The following CCSER1 variants were observed in gnomAD, a reference collection of about 807,000 sequenced individuals.
The protein encoded by CCSER1 is serine-rich coiled-coil domain-containing protein 1.
In CCSER1, 41 loss-of-function variants were observed where a neutral mutation model predicts 82.0. The observed-to-expected ratio is 0.50, with a 90% CI of 0.39 to 0.65. CCSER1 has a LOEUF of 0.65. Ranked by LOEUF, CCSER1 falls within the 30% of genes least tolerant of loss-of-function variation. The pLI is 0.00. For synonymous variants in CCSER1, 414 were observed against 383.9 expected, an observed-to-expected ratio of 1.08 and a Z score of -0.92; for missense variants, 1,119 against 1,064.2, an observed-to-expected ratio of 1.05 and a Z score of -0.72.
intron 10 of CCSER1, among the ~76,000 whole-genome samples, chr4:91,327,940 A>G (rs1364114754): frequency 6.6e-6 from 1 of 152,164 alleles, no homozygotes; most frequent in Non-Finnish European, 1.5e-5. Flanking sequence ...CCTTTACTCC[A>G]GTTCCCAATA....
At chr4:91,561,290 C>G (rs925067044) in intron 10 of CCSER1, among the ~76,000 whole-genome samples, 7 of 151,434 alleles carry the variant, frequency 4.6e-5, no homozygotes, top group Non-Finnish European at 1.0e-4. Context: ...TTGTTTTATA[C>G]AGTTTTCATT....
chr4:91,120,126 A>T (rs914704609), intron 10 of CCSER1, among the ~76,000 whole-genome samples: 8 of 152,138 alleles, frequency 5.3e-5, no homozygotes, highest in African/African-American at 1.9e-4. Flanking sequence ...AATAATTTGC[A>T]TAATAGTGAT....
chr4:90,515,175 A>T (rs185193166), intron 5 of CCSER1, among the ~76,000 whole-genome samples: 6 of 152,300 alleles, frequency 3.9e-5, no homozygotes, highest in Admixed American at 3.9e-4. Flanking sequence ...ATTTCCATGT[A>T]TACAATTAAT....
chr4:90,514,066 G>C (rs368531008), intron 5 of CCSER1, among the ~76,000 whole-genome samples: 4 of 152,130 alleles, frequency 2.6e-5, no homozygotes, highest in African/African-American at 9.7e-5. Flanking sequence ...TCATGGAGAA[G>C]AACATTTACA....
intron 7 of CCSER1, among the ~76,000 whole-genome samples, chr4:90,738,426 C>A (rs1746008599): frequency 6.6e-6 from 1 of 152,058 alleles, no homozygotes. Flanking sequence ...TTTGCTTTAC[C>A]ATACAGAGAT....
intron 10 of CCSER1, among the ~76,000 whole-genome samples, chr4:91,580,575 A>T (rs1763681500): frequency 6.6e-6 from 1 of 151,796 alleles, no homozygotes; most frequent in Non-Finnish European, 1.5e-5. Flanking sequence ...GCATCAATTG[A>T]TGGTACCTGG....
intron 9 of CCSER1, among the ~76,000 whole-genome samples, chr4:91,041,621 G>C (rs1364708640): frequency 6.6e-6 from 1 of 152,036 alleles, no homozygotes; most frequent in Non-Finnish European, 1.5e-5. Context: ...CAGCTACCAG[G>C]TGTTACAGGC....
At chr4:91,508,131 A>G (rs2110108617) in intron 10 of CCSER1, among the ~76,000 whole-genome samples, 1 of 131,346 alleles carries the variant, frequency 7.6e-6, no homozygotes, top group Admixed American at 7.9e-5. Context: ...AGAAGTGTCT[A>G]GGACAGAGAT....
intron 9 of CCSER1, among the ~76,000 whole-genome samples, chr4:91,032,218 G>A (rs1286663501): frequency 8.5e-5 from 13 of 152,142 alleles, no homozygotes; most frequent in Non-Finnish European, 1.2e-4. Flanking sequence ...TAATTTTACT[G>A]TGGGGGCGAA....
chr4:90,905,637 G>A (rs72665409), intron 8 of CCSER1, among the ~76,000 whole-genome samples: 34,884 of 151,954 alleles, frequency 0.23, 4,691 homozygotes, highest in Non-Finnish European at 0.31. Flanking sequence ...TAAAACATTT[G>A]CTTATTGGAA....
At chr4:90,702,752 A>T (rs1212581979) in intron 6 of CCSER1, among the ~76,000 whole-genome samples, 1 of 152,064 alleles carries the variant, frequency 6.6e-6, no homozygotes, top group African/African-American at 2.4e-5. Context: ...TTTCTAGTTC[A>T]TTTGTGTAGA....
intron 10 of CCSER1, among the ~76,000 whole-genome samples, chr4:91,185,217 C>T (rs1356487137): frequency 2.0e-5 from 3 of 152,290 alleles, no homozygotes; most frequent in South Asian, 2.1e-4. Flanking sequence ...TCCAAATCCT[C>T]CTGTGTGTTT....
At chr4:91,381,750 G>T (rs1024450818) in intron 10 of CCSER1, among the ~76,000 whole-genome samples, 2 of 152,196 alleles carry the variant, frequency 1.3e-5, no homozygotes, top group Admixed American at 6.5e-5. Context: ...ACTCGTCAAA[G>T]TCATTCTCTG....
intron 5 of CCSER1, among the ~76,000 whole-genome samples, chr4:90,593,772 C>T (rs1417036931): frequency 1.3e-5 from 2 of 151,998 alleles, no homozygotes; most frequent in East Asian, 3.9e-4. Context: ...GTTCTTAAAA[C>T]AAGACAGGTA....
chr4:90,789,497 C>T (rs2149652363), intron 7 of CCSER1, among the ~76,000 whole-genome samples: 1 of 152,224 alleles, frequency 6.6e-6, no homozygotes, highest in East Asian at 1.9e-4. Flanking sequence ...CCAATGTCTA[C>T]TGATATGGTT....
rs1182815027 is a variant in CCSER1 at position 91,240,220 on chromosome 4, C to G, written c.2217+154226C>G. Among the ~76,000 whole-genome samples, 2 of 60,492 alleles carry G rather than the reference C, an allele frequency of 3.3e-5. 1 individual carries two copies. The highest frequency in any genetic ancestry group is 2.0e-4 in the African/African-American group (2 of 10,094). 39.7% of individuals were successfully genotyped at this position (60,492 alleles called of 152,430 possible). ...CCTCCCGAGTAGCTGGGACTACATA[C>G]GCCAGCCACCACGCCCGGCTAATTT... is the stretch of plus-strand genomic sequence containing the variant. On this transcript the variant is annotated intron_variant, in intron 10 of 10. Coordinates refer to ENST00000509176, the MANE Select transcript of CCSER1 (RefSeq NM_001145065.2).
intron 1 of CCSER1, among the ~76,000 whole-genome samples, chr4:90,179,069 G>A (rs1006961116): frequency 6.6e-6 from 1 of 152,108 alleles, no homozygotes; most frequent in Non-Finnish European, 1.5e-5. Context: ...GGTGATGCTG[G>A]TGTAGGAAGT....
At chr4:90,419,350 C>T (rs1756337089) in intron 4 of CCSER1, among the ~76,000 whole-genome samples, 1 of 151,880 alleles carries the variant, frequency 6.6e-6, no homozygotes, top group Non-Finnish European at 1.5e-5. Context: ...CATTTGTATT[C>T]AGCTTTATAG....
intron 6 of CCSER1, among the ~76,000 whole-genome samples, chr4:90,694,797 G>GGTGT (rs112192037): frequency 0.077 from 11,143 of 145,362 alleles, 457 homozygotes; most frequent in East Asian, 0.13. Context: ...GTGTGTGTGG[G>GGTGT]GTGTGTGTGT....
Sources: gnomAD v4.1 joint callset for allele counts (sites outside exome capture counted in the v4.1 genomes callset) on GRCh38, gnomAD v4.1.1 for gene constraint, MANE v1.5 for transcripts, NCBI Gene and HGNC (gene_info 2026-07-23, HGNC 2026-07-21) for gene names.